PSD3: variants seen among roughly 807,000 people sequenced by gnomAD.
The protein encoded by PSD3 is PH and SEC7 domain-containing protein 3.
Under a neutral mutation model 105.5 loss-of-function variants are expected in PSD3, and 49 were observed. The observed-to-expected ratio is 0.46, with a 90% CI of 0.37 to 0.59. The LOEUF is 0.59. Among genes scored for constraint, PSD3 ranks in the 20% least tolerant of loss-of-function variants. The pLI is 0.00. For missense variants in PSD3, 1,561 were observed against 1,263.8 expected (o/e 1.24, Z -3.57); for synonymous variants, 557 against 457.8 (o/e 1.22, Z -2.77).
intron 1 of PSD3, among the ~76,000 whole-genome samples, chr8:19,064,418 TG>T (rs1829005453): frequency 6.6e-6 from 1 of 152,166 alleles, no homozygotes; most frequent in Admixed American, 6.5e-5. Context: ...TACCTATTTA[TG>T]GGGTAAATGC....
chr8:18,746,767 T>G (rs1381268241), intron 9 of PSD3, among the ~76,000 whole-genome samples: 1 of 152,268 alleles, frequency 6.6e-6, no homozygotes. Context: ...ATACTTAATT[T>G]GTAATACAAT....
At chr8:18,553,665 T>G (rs1328198728) in intron 15 of PSD3, among the ~76,000 whole-genome samples, 1 of 152,162 alleles carries the variant, frequency 6.6e-6, no homozygotes, top group Non-Finnish European at 1.5e-5. Context: ...AAAATTCCGG[T>G]GGCTGCAACA....
chr8:18,898,827 G>A (rs1210154486), intron 2 of PSD3, among the ~76,000 whole-genome samples: 1 of 152,170 alleles, frequency 6.6e-6, no homozygotes, highest in East Asian at 1.9e-4. Context: ...GGAGAAAGGA[G>A]TTGTCCTCAT....
At chr8:18,963,237 A>C (rs1233636203) in intron 1 of PSD3, among the ~76,000 whole-genome samples, 1 of 152,130 alleles carries the variant, frequency 6.6e-6, no homozygotes, top group East Asian at 1.9e-4. Flanking sequence ...CCTACAACAC[A>C]TGGGAATTAT....
chr8:18,629,097 C>G (rs1037842794), intron 11 of PSD3, among the ~76,000 whole-genome samples: 1 of 151,644 alleles, frequency 6.6e-6, no homozygotes, highest in Non-Finnish European at 1.5e-5. Context: ...AAGTTAGAAA[C>G]AAAATTTGTA....
intron 8 of PSD3, among the ~76,000 whole-genome samples, chr8:18,782,622 C>T (rs899067808): frequency 6.6e-6 from 1 of 152,192 alleles, no homozygotes; most frequent in Non-Finnish European, 1.5e-5. Flanking sequence ...AAAAGCAGGT[C>T]AGGAGGACGA....
intron 1 of PSD3, among the ~76,000 whole-genome samples, chr8:19,058,040 G>A (rs933777384): frequency 2.6e-5 from 4 of 152,148 alleles, no homozygotes; most frequent in Non-Finnish European, 5.9e-5. Context: ...CAACTAACAT[G>A]TCTTTCAAAG....
chr8:18,615,367 A>C (rs1345325582), intron 11 of PSD3, among the ~76,000 whole-genome samples: 3 of 152,192 alleles, frequency 2.0e-5, no homozygotes, highest in African/African-American at 7.2e-5. Context: ...CTAGCCAATA[A>C]GGGAATGACA....
intron 4 of PSD3, among the ~76,000 whole-genome samples, chr8:18,817,302 G>A (rs1256373990): frequency 5.3e-5 from 8 of 152,066 alleles, no homozygotes; most frequent in South Asian, 4.2e-4. Flanking sequence ...GGGCTGTTTC[G>A]CAGTTCCCCC....
chr8:18,625,409 T>C (rs1043832364), intron 11 of PSD3, among the ~76,000 whole-genome samples: 4 of 152,220 alleles, frequency 2.6e-5, no homozygotes, highest in East Asian at 3.9e-4. Flanking sequence ...TCCCCCTTAA[T>C]GTATGAGGAA....
intron 10 of PSD3, among the ~76,000 whole-genome samples, chr8:18,645,616 C>CA (rs1387262517): frequency 2.6e-5 from 4 of 152,176 alleles, no homozygotes; most frequent in African/African-American, 4.8e-5. Context: ...CTAACATTAG[C>CA]ATTATTATTT....
Position 18,565,271 on chromosome 8 carries a change from A to T in PSD3, c.2784+7257T>A, listed in dbSNP as rs76594053. ...AAAGGGAGGTTGTGAGCAGACTGTG[A>T]ACAGGGCCGGCCATGCATTTCTGTG... On this transcript the variant is annotated intron_variant, in intron 14 of 15. Coordinates refer to ENST00000327040, the MANE Select transcript of PSD3 (RefSeq NM_015310.4). Among the ~76,000 whole-genome samples, 470 of 152,276 alleles carry T rather than the reference A, an allele frequency of 3.1e-3. 3 individuals carry two copies. The highest frequency in any genetic ancestry group is 2.2e-3 in the Non-Finnish European group (150 of 68,020).
chr8:18,841,959 A>G (rs1814660538), intron 4 of PSD3, among the ~76,000 whole-genome samples: 1 of 152,208 alleles, frequency 6.6e-6, no homozygotes. Context: ...GAGGTAGGGA[A>G]GGAAGAGCTG....
chr8:18,592,864 A>C (rs1803715109), intron 12 of PSD3, among the ~76,000 whole-genome samples: 1 of 152,172 alleles, frequency 6.6e-6, no homozygotes, highest in African/African-American at 2.4e-5. Context: ...CAAGAACAAG[A>C]AATGGGGAAA....
intron 4 of PSD3, among the ~76,000 whole-genome samples, chr8:18,822,406 G>A (rs144028422): frequency 3.3e-5 from 5 of 152,064 alleles, no homozygotes; most frequent in Admixed American, 1.3e-4. Flanking sequence ...GTCCATCCCC[G>A]GGAGTGTGTT....
At chr8:18,953,738 C>T (rs1474837299) in intron 1 of PSD3, among the ~76,000 whole-genome samples, 1 of 150,700 alleles carries the variant, frequency 6.6e-6, no homozygotes, top group Non-Finnish European at 1.5e-5. Flanking sequence ...GACAGCAAGA[C>T]TCCATCTCAA....
rs568382264 is a variant in PSD3 at position 18,889,147 on chromosome 8, A to T, written c.131-16414T>A. Among the ~76,000 whole-genome samples the T allele has an allele frequency of 2.6e-5, 4 of 152,384 alleles. No homozygotes were observed. In the East Asian group the frequency reaches 7.7e-4, roughly 29 times the overall value. ...AACACCATTTCAAAACGTAAAGCTCAGAAATAAATTACTTACATGTTCTCT... is the reference window on the plus strand; with the variant it reads ...AACACCATTTCAAAACGTAAAGCTCTGAAATAAATTACTTACATGTTCTCT... On this transcript the variant is annotated intron_variant, in intron 2 of 15. Coordinates refer to ENST00000327040, the MANE Select transcript of PSD3 (RefSeq NM_015310.4).
At chr8:18,950,967 G>C (rs1397245693) in intron 1 of PSD3, among the ~76,000 whole-genome samples, 2 of 152,120 alleles carry the variant, frequency 1.3e-5, no homozygotes, top group East Asian at 3.9e-4. Flanking sequence ...ATAAACTGCT[G>C]ATTGCTAGAT....
intron 14 of PSD3, among the ~76,000 whole-genome samples, chr8:18,567,340 G>A (rs1801850273): frequency 6.6e-6 from 1 of 151,554 alleles, no homozygotes; most frequent in African/African-American, 2.4e-5. Flanking sequence ...TACCTTTTAT[G>A]CGACATGCTC....
Sources: allele counts gnomAD v4.1 joint callset (sites outside exome capture counted in the v4.1 genomes callset), GRCh38; gene constraint gnomAD v4.1.1; transcripts MANE v1.5; gene names NCBI Gene and HGNC (gene_info 2026-07-23, HGNC 2026-07-21).